ROBO2: variants seen among roughly 807,000 people sequenced by gnomAD.
ROBO2 encodes roundabout homolog 2.
In ROBO2, 53 loss-of-function variants were observed where a neutral mutation model predicts 160.8. The observed-to-expected ratio is 0.33, with a 90% CI of 0.26 to 0.41. The LOEUF (loss-of-function observed/expected upper bound fraction) is 0.41. Ranked by LOEUF, ROBO2 falls within the 10% of genes least tolerant of loss-of-function variation. The pLI is 1.00. For missense variants in ROBO2, 1,577 were observed against 1,722.4 expected, an observed-to-expected ratio of 0.92 and a Z score of 1.49; for synonymous variants, 664 against 611.7, an observed-to-expected ratio of 1.09 and a Z score of -1.26.
At chr3:76,691,182 T>C (rs574785655) in intron 2 of ROBO2, among the ~76,000 whole-genome samples, 6 of 152,260 alleles carry the variant, frequency 3.9e-5, no homozygotes, top group African/African-American at 1.4e-4. Flanking sequence ...ATCAAGGGAA[T>C]GGGCTCCTAA....
intron 1 of ROBO2, among the ~76,000 whole-genome samples, chr3:77,097,423 T>C (rs561689582): frequency 6.6e-6 from 1 of 152,300 alleles, no homozygotes; most frequent in East Asian, 1.9e-4. Flanking sequence ...AACATACGGA[T>C]TTATACTTGA....
At chr3:76,871,697 G>A (rs931550508) in intron 2 of ROBO2, among the ~76,000 whole-genome samples, 2 of 152,162 alleles carry the variant, frequency 1.3e-5, no homozygotes, top group East Asian at 1.9e-4. Flanking sequence ...ATTGGGAGCC[G>A]TGACACATGT....
intron 2 of ROBO2, among the ~76,000 whole-genome samples, chr3:77,171,661 G>A (rs749657963): frequency 5.9e-5 from 9 of 152,170 alleles, no homozygotes; most frequent in Non-Finnish European, 1.2e-4. Context: ...GTATCAGAAT[G>A]AGAGACTCAA....
At position 77,439,628 on chromosome 3, in the gene ROBO2, T is replaced by C. The variant is rs146089865; in HGVS notation, c.389-37786T>C. Among the ~76,000 whole-genome samples, 568 of 152,212 alleles carry C rather than the reference T, an allele frequency of 3.7e-3. 3 individuals are homozygous for C. Among genetic ancestry groups the C allele is most frequent in the Middle Eastern group, 0.031 (9 of 294 alleles). ...ATGAAGGGTTCCTTGTATTAATGCA[T>C]TTCAAGAGAAGACGCATGCTAACCA... is the stretch of plus-strand genomic sequence containing the variant. On this transcript the variant is annotated intron_variant, in intron 2 of 25. Coordinates refer to ENST00000461745, the Ensembl canonical transcript of ROBO2.
At chr3:77,023,285 G>A (rs2062755411) in intron 2 of ROBO2, among the ~76,000 whole-genome samples, 2 of 152,212 alleles carry the variant, frequency 1.3e-5, no homozygotes, top group Admixed American at 6.5e-5. Flanking sequence ...CACCATGATT[G>A]TGAGGCCTCC....
chr3:77,241,156 G>A (rs565777868), intron 2 of ROBO2, among the ~76,000 whole-genome samples: 56 of 152,178 alleles, frequency 3.7e-4, no homozygotes, highest in African/African-American at 1.2e-3. Flanking sequence ...TCATTTGTGC[G>A]TCCAGTGACA....
chr3:77,220,315 A>C (rs1300935323), intron 2 of ROBO2, among the ~76,000 whole-genome samples: 1 of 152,134 alleles, frequency 6.6e-6, no homozygotes. Flanking sequence ...TGGCCGAGAA[A>C]ACATACTATA....
intron 2 of ROBO2, among the ~76,000 whole-genome samples, chr3:76,879,419 C>A (rs916653297): frequency 6.6e-6 from 1 of 151,986 alleles, no homozygotes; most frequent in Non-Finnish European, 1.5e-5. Flanking sequence ...TATCAAGGTG[C>A]TAGAGAATAG....
At position 77,290,652 on chromosome 3, in the gene ROBO2, C is replaced by A. The variant is rs552210177; in HGVS notation, c.389-186762C>A. ...TAAGCTGAGGCTAGATCACCCAAGA[C>A]ACAAAGTAAAATTGATGGTTAAACG... On this transcript the variant is annotated intron_variant, in intron 2 of 25. Coordinates refer to ENST00000461745, the Ensembl canonical transcript of ROBO2. 1.3e-3 allele frequency among the ~76,000 whole-genome samples: 25 copies of A among 19,630 alleles called. 3 individuals carry two copies. The highest frequency in any genetic ancestry group is 1.8e-3 in the African/African-American group (24 of 13,580). The allele number at this position is 19,630 out of a possible 152,430, so 12.9% of individuals were successfully genotyped here. A position where few individuals can be genotyped will look rare whatever the true frequency, so the allele number is the denominator to read the frequency against.
chr3:76,219,327 G>A (rs1317501332), intron 2 of ROBO2, among the ~76,000 whole-genome samples: 1 of 152,154 alleles, frequency 6.6e-6, no homozygotes, highest in East Asian at 1.9e-4. Flanking sequence ...TGACAAATGG[G>A]ATCTAATTAA....
intron 2 of ROBO2, among the ~76,000 whole-genome samples, chr3:76,925,847 T>A (rs2076959080): frequency 6.6e-6 from 1 of 152,190 alleles, no homozygotes; most frequent in Non-Finnish European, 1.5e-5. Flanking sequence ...GAGTGCCTAC[T>A]ATGTTTCACA....
intron 2 of ROBO2, among the ~76,000 whole-genome samples, chr3:76,939,956 C>CA (rs2078047054): frequency 6.7e-6 from 1 of 148,828 alleles, no homozygotes; most frequent in African/African-American, 2.5e-5. Flanking sequence ...AGAAAGGTGG[C>CA]AGAGGAAGGA....
At chr3:77,565,196 GAAAT>G (rs2093444578) in intron 12 of ROBO2, 76 bp downstream of exon 13, 1 of 1,495,078 alleles carries the variant, frequency 6.7e-7, no homozygotes, top group African/African-American at 1.4e-5. Context: ...GCTTGATGAG[GAAAT>G]ATACATGTGC....
intron 2 of ROBO2, among the ~76,000 whole-genome samples, chr3:76,385,093 C>G (rs1431454688): frequency 6.6e-6 from 1 of 152,128 alleles, no homozygotes; most frequent in Non-Finnish European, 1.5e-5. Flanking sequence ...CTTCCAGGCT[C>G]AAACTATCCT....
At chr3:77,376,745 A>G (rs1453520452) in intron 2 of ROBO2, among the ~76,000 whole-genome samples, 2 of 152,164 alleles carry the variant, frequency 1.3e-5, no homozygotes, top group Non-Finnish European at 2.9e-5. Flanking sequence ...ATTAGACCGC[A>G]AGTCCATTGA....
At chr3:77,400,458 G>T (rs1320027474) in intron 2 of ROBO2, among the ~76,000 whole-genome samples, 1 of 152,138 alleles carries the variant, frequency 6.6e-6, no homozygotes, top group Non-Finnish European at 1.5e-5. Flanking sequence ...AAGTAAATCA[G>T]ACATTGGAAC....
intron 1 of ROBO2, among the ~76,000 whole-genome samples, chr3:77,094,895 T>G (rs1334505731): frequency 6.6e-6 from 1 of 152,194 alleles, no homozygotes; most frequent in Non-Finnish European, 1.5e-5. Context: ...ATTATTTATA[T>G]TTTTATTGAG....
chr3:76,340,687 A>G (rs1479364586), intron 2 of ROBO2, among the ~76,000 whole-genome samples: 2 of 152,174 alleles, frequency 1.3e-5, no homozygotes, highest in Non-Finnish European at 2.9e-5. Context: ...TGGTTGGGAG[A>G]GCCCGGCAAG....
At chr3:77,270,147 A>C (rs1395451779) in intron 2 of ROBO2, among the ~76,000 whole-genome samples, 1 of 152,216 alleles carries the variant, frequency 6.6e-6, no homozygotes, top group Non-Finnish European at 1.5e-5. Context: ...CCTTAGAAGC[A>C]GCCAACAGAG....
Sources: allele counts gnomAD v4.1 joint callset (sites outside exome capture counted in the v4.1 genomes callset), GRCh38; gene constraint gnomAD v4.1.1; transcripts MANE v1.5; gene names NCBI Gene and HGNC (gene_info 2026-07-23, HGNC 2026-07-21).